TMEM255B: variants seen among roughly 807,000 people sequenced by gnomAD.
The protein encoded by TMEM255B is transmembrane protein 255B.
In TMEM255B, 35 loss-of-function variants were observed where a neutral mutation model predicts 34.5. That is an observed-to-expected ratio of 1.01 (90% CI 0.77 to 1.34). The LOEUF (loss-of-function observed/expected upper bound fraction) is 1.34. TMEM255B is among the 40% of genes most tolerant of loss of function. The pLI, the probability that TMEM255B is intolerant of heterozygous loss-of-function variation, is 0.00. For missense variants in TMEM255B, 432 were observed against 433.2 expected, an observed-to-expected ratio of 1.00 and a Z score of 0.02; for synonymous variants, 206 against 201.2, an observed-to-expected ratio of 1.02 and a Z score of -0.20.
At chr13:113,804,217 C>A (rs1428638638) in intron 7 of TMEM255B, among the ~76,000 whole-genome samples, 5 of 152,188 alleles carry the variant, frequency 3.3e-5, no homozygotes, top group Non-Finnish European at 7.4e-5. Context: ...GGAGCCAGCA[C>A]CTTCTTTGGA....
intron 3 of TMEM255B, among the ~76,000 whole-genome samples, chr13:113,787,046 G>A (rs1263570614): frequency 6.6e-6 from 1 of 152,186 alleles, no homozygotes; most frequent in Admixed American, 6.5e-5. Flanking sequence ...GTTGTTCGTT[G>A]TTTCATACCT....
chr13:113,806,079 C>T lies in TMEM255B; in HGVS notation c.813+1051C>T, dbSNP rs978885229. Among the ~76,000 whole-genome samples, 3 of 152,192 alleles carry T rather than the reference C, an allele frequency of 2.0e-5. No homozygotes were observed. The highest frequency in any genetic ancestry group is 4.4e-5 in the Non-Finnish European group (3 of 68,026). ...AGATATTCCACAAGAGGACCCTCTC[C>T]CGACACATGACGTTGTCAGGAAAAG... On this transcript the variant is annotated intron_variant, in intron 8 of 8. Transcript: ENST00000375353. This position sits in a 1 kb window ranked among gnomAD's most constrained non-coding sequence, Gnocchi z 4.2.
At chr13:113,801,119 C>T (rs1342524314) in intron 6 of TMEM255B, among the ~76,000 whole-genome samples, 1 of 152,204 alleles carries the variant, frequency 6.6e-6, no homozygotes, top group East Asian at 1.9e-4. Context: ...CCCCCACACC[C>T]CTGCACCTAC....
In TMEM255B at chr13:113,759,802, A is replaced by T. The variant is rs114924133; in HGVS notation, c.46+487A>T. On this transcript the variant is annotated intron_variant, in intron 1 of 8. Transcript: ENST00000375353. ...CGTGCAGAGGCGCTCACAGAACTGGACAGTGTTGCTTGGTTTCGGCTCGCC... is the reference window on the plus strand; with the variant it reads ...CGTGCAGAGGCGCTCACAGAACTGGTCAGTGTTGCTTGGTTTCGGCTCGCC... Among the ~76,000 whole-genome samples, 1,235 of 152,242 alleles carry T rather than the reference A, an allele frequency of 8.1e-3. 21 individuals carry two copies. The highest frequency in any genetic ancestry group is 0.028 in the African/African-American group (1,166 of 41,518).
intron 6 of TMEM255B, 142 bp from the exon 7 acceptor site, chr13:113,801,511 C>T: frequency 1.1e-6 from 1 of 933,672 alleles, no homozygotes; most frequent in Non-Finnish European, 1.5e-6. Context: ...TCTCCCAGAG[C>T]AGTGCAGGGA....
chr13:113,812,854 C>CCCCGGGTG lies in TMEM255B; in HGVS notation c.*951_*952insCCCGGGTG. 1 of 99,648 alleles carries CCCCGGGTG rather than the reference C, an allele frequency of 1.0e-5. No homozygotes were observed. The highest frequency in any genetic ancestry group is 1.1e-4 in the Admixed American group (1 of 9,154). The allele number at this position is 99,648 out of a possible 1,614,324, so 6.2% of individuals were successfully genotyped here. A position where few individuals can be genotyped will look rare whatever the true frequency, so the allele number is the denominator to read the frequency against. On this transcript the variant is annotated 3_prime_UTR_variant, in exon 9 of 9. Transcript: ENST00000375353. ...TCACAGGTCCCGGGTGGGTCACAGG[C>CCCCGGGTG]ATCCCGGGTGGGTCACAGGTCCCGA...
intron 1 of TMEM255B, among the ~76,000 whole-genome samples, chr13:113,762,433 A>G (rs2050323724): frequency 6.6e-6 from 1 of 152,164 alleles, no homozygotes; most frequent in African/African-American, 2.4e-5. Flanking sequence ...AGACTTGTAT[A>G]ATCTAGGAAT....
chr13:113,772,422 T>C (rs898043229), intron 3 of TMEM255B, among the ~76,000 whole-genome samples: 5 of 152,240 alleles, frequency 3.3e-5, no homozygotes, highest in Non-Finnish European at 7.3e-5. Flanking sequence ...TCTAAGGACA[T>C]GAAGATTTAC....
At position 113,812,841 on chromosome 13, in the gene TMEM255B, G is replaced by A. The variant is rs937446048; in HGVS notation, c.*938G>A. ...GGTCCTGAGTGGGTCACAGGTCCCG[G>A]GTGGGTCACAGGCATCCCGGGTGGG... On this transcript the variant is annotated 3_prime_UTR_variant, in exon 9 of 9. Transcript: ENST00000375353. 834 of 171,162 alleles carry A rather than the reference G, an allele frequency of 4.9e-3. 12 individuals are homozygous for A. Among genetic ancestry groups the A allele is most frequent in the African/African-American group, 0.021 (782 of 37,956 alleles). The allele number at this position is 171,162 out of a possible 1,614,324, so 10.6% of individuals were successfully genotyped here. A position where few individuals can be genotyped will look rare whatever the true frequency, so the allele number is the denominator to read the frequency against.
At chr13:113,761,489 A>T (rs902817481) in intron 1 of TMEM255B, 1 of 490,308 alleles carries the variant, frequency 2.0e-6, no homozygotes, top group Non-Finnish European at 2.6e-6. Context: ...GAGATATCCT[A>T]GATGGGCTGC....
At position 113,759,226 on chromosome 13, in the gene TMEM255B, G is replaced by A; in HGVS notation, c.-44G>A. The A allele has an allele frequency of 1.6e-6, 2 of 1,225,994 alleles. No individual in the cohort carries two copies. Among genetic ancestry groups the A allele is most frequent in the East Asian group, 3.2e-5 (1 of 31,276 alleles). 75.9% of individuals were successfully genotyped at this position (1,225,994 alleles called of 1,614,324 possible). A position where few individuals can be genotyped will look rare whatever the true frequency, so the allele number is the denominator to read the frequency against. On this transcript the variant is annotated 5_prime_UTR_variant, in exon 1 of 9. Coordinates refer to ENST00000375353, the MANE Select transcript of TMEM255B (RefSeq NM_182614.4). ...CGCCGCGAGGGCGGCTCCTGGCGGC[G>A]GGACTGTGGCTGTGGCCCCGGGAGA...
intron 4 of TMEM255B, among the ~76,000 whole-genome samples, chr13:113,796,645 C>T (rs1288760594): frequency 2.6e-5 from 4 of 152,210 alleles, no homozygotes; most frequent in South Asian, 2.1e-4. Flanking sequence ...TCCTGAGGTG[C>T]GTCCTCAGCC....
chr13:113,797,881 A>T (rs769152502), intron 4 of TMEM255B, among the ~76,000 whole-genome samples: 1 of 152,234 alleles, frequency 6.6e-6, no homozygotes, highest in Admixed American at 6.5e-5. Flanking sequence ...GTCCTCTACC[A>T]TAGCAATTAT....
Position 113,806,770 on chromosome 13 carries a change from C to T in TMEM255B, c.813+1742C>T, listed in dbSNP as rs1223369501. The stretch of plus-strand genomic sequence containing the variant: ...CCTGTCCTGGGGGCTTCTCTCTGGC[C>T]TCCTGGTCTCCCGTGGGAAGTTTGC... On this transcript the variant is annotated intron_variant, in intron 8 of 8. Transcript: ENST00000375353. This position sits in a 1 kb window ranked among gnomAD's most constrained non-coding sequence, Gnocchi z 4.2. 6.6e-6 allele frequency among the ~76,000 whole-genome samples: 1 copy of T among 151,972 alleles called. No homozygotes were observed. Among genetic ancestry groups the T allele is most frequent in the African/African-American group, 2.4e-5 (1 of 41,374 alleles).
rs540135069 is a variant in TMEM255B at position 113,786,365 on chromosome 13, G to A, written c.253-8783G>A. On this transcript the variant is annotated intron_variant, in intron 3 of 8. Coordinates refer to ENST00000375353, the MANE Select transcript of TMEM255B (RefSeq NM_182614.4). ...CATCACTGTCGTCACTGTAATTACC[G>A]TCTTCACTGTCATCACCGTCACCAT... is the stretch of plus-strand genomic sequence containing the variant. Among the ~76,000 whole-genome samples, 53 of 148,458 alleles carry A rather than the reference G, an allele frequency of 3.6e-4. No homozygotes were observed. In the East Asian group the frequency reaches 9.8e-3, roughly 28 times the overall value.
At chr13:113,772,174 C>T (rs1036563889) in intron 3 of TMEM255B, among the ~76,000 whole-genome samples, 2 of 152,180 alleles carry the variant, frequency 1.3e-5, no homozygotes, top group Non-Finnish European at 2.9e-5. Flanking sequence ...TTCCTTTGCT[C>T]ATTTTTACAT....
chr13:113,789,796 A>G (rs1303160383), intron 3 of TMEM255B, among the ~76,000 whole-genome samples: 2 of 152,096 alleles, frequency 1.3e-5, no homozygotes, highest in Non-Finnish European at 2.9e-5. Context: ...CTGACCGTGT[A>G]CATAGACATC....
In TMEM255B at chr13:113,811,801, T is replaced by G; in HGVS notation, c.879T>G (p.Pro293=). The change falls in exon 9 of 9, where the codon CCT becomes CCG. Residue 293 remains proline, a synonymous_variant. Transcript: ENST00000375353. ...ALASSEDLQP[P]SPSSSGSGLP... is the part of the protein sequence containing the mutation. Reference sequence around the variant, plus strand: ...CTTCGTCTGAGGACCTGCAGCCCCCTTCTCCAAGCAGCTCTGGCTCTGGGC... The same window carrying G: ...CTTCGTCTGAGGACCTGCAGCCCCCGTCTCCAAGCAGCTCTGGCTCTGGGC... The G allele has an allele frequency of 6.2e-7, 1 of 1,613,934 alleles. No homozygotes were observed. Among genetic ancestry groups the G allele is most frequent in the Non-Finnish European group, 8.5e-7 (1 of 1,179,884 alleles).
chr13:113,759,521 A>G (rs1594606947), intron 1 of TMEM255B, among the ~76,000 whole-genome samples: 1 of 151,856 alleles, frequency 6.6e-6, no homozygotes, highest in Non-Finnish European at 1.5e-5. Context: ...CGGTTCGTTC[A>G]TTCATTCTCT....
Sources: gnomAD v4.1 joint callset for allele counts (sites outside exome capture counted in the v4.1 genomes callset) on GRCh38, gnomAD v4.1.1 for gene constraint, Gnocchi (gnomAD v3.1) non-coding constraint, MANE v1.5 for transcripts, NCBI Gene and HGNC (gene_info 2026-07-23, HGNC 2026-07-21) for gene names.